The following NRBF2 variants were observed in gnomAD, a reference collection of about 807,000 sequenced individuals.
The protein encoded by NRBF2 is nuclear receptor binding factor 2, also known as nuclear receptor-binding factor 2.
A neutral mutation model predicts 28.5 loss-of-function variants in NRBF2; 12 were observed. The ratio of observed to expected loss-of-function variants is 0.42; its 90% CI spans 0.27 to 0.68. NRBF2 has a LOEUF of 0.68. Among genes scored for constraint, NRBF2 ranks in the 30% least tolerant of loss-of-function variants. NRBF2 has a pLI of 0.24. For synonymous variants in NRBF2, 102 were observed against 116.5 expected (o/e 0.88, Z 0.80); for missense variants, 274 against 333.5 (o/e 0.82, Z 1.39).
intron 1 of NRBF2, among the ~76,000 whole-genome samples, chr10:63,137,355 G>C (rs528862285): frequency 6.6e-6 from 1 of 152,302 alleles, no homozygotes; most frequent in Non-Finnish European, 1.5e-5. Flanking sequence ...CATTTTGTCA[G>C]TGTGACTACT....
At position 63,154,529 on chromosome 10, in the gene NRBF2, T is replaced by C. The variant is rs1288051417; in HGVS notation, c.*311T>C. 4.5e-6 allele frequency: 1 copy of C among 221,022 alleles called. No individual in the cohort carries two copies. Among genetic ancestry groups the C allele is most frequent in the Non-Finnish European group, 8.9e-6 (1 of 112,356 alleles). 13.7% of individuals were successfully genotyped at this position (221,022 alleles called of 1,614,324 possible). On this transcript the variant is annotated 3_prime_UTR_variant, in exon 4 of 4. Coordinates refer to ENST00000277746, the MANE Select transcript of NRBF2 (RefSeq NM_030759.5). ...TTTCAAGCAACAGTTATTTTTCTTA[T>C]CTTCAGGGTTAAAATGTATAAAAGT...
intron 1 of NRBF2, among the ~76,000 whole-genome samples, chr10:63,137,607 C>T (rs6479883): frequency 2.4e-3 from 363 of 152,294 alleles, no homozygotes; most frequent in African/African-American, 7.9e-3. Context: ...GGTCAGTTCT[C>T]ACATCACATG....
chr10:63,150,883 G>A (rs1300414135), intron 2 of NRBF2, among the ~76,000 whole-genome samples: 5 of 152,128 alleles, frequency 3.3e-5, no homozygotes, highest in African/African-American at 1.2e-4. Flanking sequence ...TGTGCAGTTT[G>A]CAGTAGGGTT....
chr10:63,143,601 C>T (rs1841509629), intron 1 of NRBF2, among the ~76,000 whole-genome samples: 1 of 151,954 alleles, frequency 6.6e-6, no homozygotes, highest in Non-Finnish European at 1.5e-5. Flanking sequence ...GCTGGGATTA[C>T]AGGCACCCAC....
At chr10:63,149,598 T>C (rs1011024446) in intron 2 of NRBF2, among the ~76,000 whole-genome samples, 1 of 152,244 alleles carries the variant, frequency 6.6e-6, no homozygotes, top group African/African-American at 2.4e-5. Context: ...AGATTTAAAA[T>C]AATTTTTTTC....
chr10:63,141,410 T>G (rs530901321), intron 1 of NRBF2, among the ~76,000 whole-genome samples: 2 of 152,352 alleles, frequency 1.3e-5, no homozygotes, highest in African/African-American at 4.8e-5. Context: ...CACTCCAGCC[T>G]GGGCAACAGA....
chr10:63,145,432 C>T (rs1453695655), intron 1 of NRBF2, among the ~76,000 whole-genome samples: 1 of 152,200 alleles, frequency 6.6e-6, no homozygotes, highest in Non-Finnish European at 1.5e-5. Context: ...TGGTCTTGAA[C>T]TCCTGACCTC....
At chr10:63,147,917 T>C (rs1841590212) in intron 2 of NRBF2, among the ~76,000 whole-genome samples, 1 of 152,226 alleles carries the variant, frequency 6.6e-6, no homozygotes, top group Admixed American at 6.5e-5. Flanking sequence ...CAACTAGTGC[T>C]CTTTAAATCT....
intron 1 of NRBF2, among the ~76,000 whole-genome samples, chr10:63,139,591 T>A (rs1841430867): frequency 1.3e-5 from 2 of 152,140 alleles, no homozygotes; most frequent in South Asian, 2.1e-4. Flanking sequence ...CAAAGAAAGG[T>A]GCAGGAAGGG....
At chr10:63,150,631 G>T (rs1564531679) in intron 2 of NRBF2, among the ~76,000 whole-genome samples, 1 of 152,130 alleles carries the variant, frequency 6.6e-6, no homozygotes, top group Non-Finnish European at 1.5e-5. Context: ...ATTTTCCATA[G>T]ACCTGGGGTC....
intron 1 of NRBF2, among the ~76,000 whole-genome samples, chr10:63,137,673 T>C (rs6479884): frequency 0.15 from 22,863 of 152,152 alleles, 3,990 homozygotes; most frequent in African/African-American, 0.43. Context: ...TAGTCAGATA[T>C]CATGGTCCAA....
intron 1 of NRBF2, among the ~76,000 whole-genome samples, chr10:63,139,963 C>T (rs888666623): frequency 2.6e-5 from 4 of 151,646 alleles, no homozygotes; most frequent in Non-Finnish European, 5.9e-5. Flanking sequence ...TAGTGAAAAC[C>T]GGTCTCTACC....
intron 1 of NRBF2, among the ~76,000 whole-genome samples, chr10:63,133,965 C>T (rs1841333271): frequency 6.8e-6 from 1 of 147,722 alleles, no homozygotes; most frequent in African/African-American, 2.5e-5. Flanking sequence ...TCCACTTCCC[C>T]CTCCTCACCC....
chr10:63,146,908 C>CT (rs1841570188), intron 2 of NRBF2, among the ~76,000 whole-genome samples: 1 of 152,100 alleles, frequency 6.6e-6, no homozygotes, highest in African/African-American at 2.4e-5. Flanking sequence ...GTCAAGCAAC[C>CT]TAGCATATGT....
rs16913006 is a variant in NRBF2 at position 63,136,556 on chromosome 10, G to A, written c.30+3056G>A. Among the ~76,000 whole-genome samples, 1,181 of 152,268 alleles carry A rather than the reference G, an allele frequency of 7.8e-3. 22 individuals carry two copies. Among genetic ancestry groups the A allele is most frequent in the African/African-American group, 0.027 (1,118 of 41,552 alleles). On this transcript the variant is annotated intron_variant, in intron 1 of 3. Transcript: ENST00000277746. ...AATCATGTGTCCTCAGAGCATCCTC[G>A]GAACTTAGTAAGGTGTGTTTTCCAG...
rs147373109 is a variant in NRBF2 at position 63,142,426 on chromosome 10, C to T, written c.31-3783C>T. ...CCAAGCAATTCTCCTGCCTCGTCTT[C>T]TCAAAGTGCTGGGCTTACAGGTGTG... On this transcript the variant is annotated intron_variant, in intron 1 of 3. Coordinates refer to ENST00000277746, the MANE Select transcript of NRBF2 (RefSeq NM_030759.5). Among the ~76,000 whole-genome samples the T allele has an allele frequency of 3.1e-3, 472 of 151,290 alleles. 3 individuals are homozygous for T. The highest frequency in any genetic ancestry group is 0.011 in the African/African-American group (459 of 41,404).
In NRBF2 at chr10:63,145,872, A is replaced by C. The variant is rs182356626; in HGVS notation, c.31-337A>C. On this transcript the variant is annotated intron_variant, in intron 1 of 3. Coordinates refer to ENST00000277746, the MANE Select transcript of NRBF2 (RefSeq NM_030759.5). ...CTTGTTTTGAAAGGAGCTTGTTAAAAATCAAGAAAATAGACATTTTGAATA... is the reference window on the plus strand; with the variant it reads ...CTTGTTTTGAAAGGAGCTTGTTAAACATCAAGAAAATAGACATTTTGAATA... 3.3e-3 allele frequency among the ~76,000 whole-genome samples: 497 copies of C among 152,342 alleles called. 7 individuals are homozygous for C. The highest frequency in any genetic ancestry group is 0.012 in the African/African-American group (485 of 41,578).
Position 63,146,255 on chromosome 10 carries a change from A to G in NRBF2, c.77A>G (p.Lys26Arg), listed in dbSNP as rs752756880. The G allele has an allele frequency of 1.2e-6, 2 of 1,612,800 alleles. No individual in the cohort carries two copies. Among genetic ancestry groups the G allele is most frequent in the Non-Finnish European group, 1.7e-6 (2 of 1,179,824 alleles). The change falls in exon 2 of 4, where the codon AAA becomes AGA. Residue 26 changes from lysine (K) to arginine (R), a missense_variant. By Grantham distance (26) the Lys-to-Arg change is conservative. Coordinates refer to ENST00000277746, the MANE Select transcript of NRBF2 (RefSeq NM_030759.5). The stretch of plus-strand genomic sequence containing the variant: ...GCAGACCGTTTATTAGCTGCAGGCA[A>G]ATACGAAGAGGCTATTTCTTGTCAC... ...RRADRLLAAG[K>R]YEEAISCHKK...
chr10:63,147,548 A>G (rs1467513986), intron 2 of NRBF2, among the ~76,000 whole-genome samples: 3 of 150,006 alleles, frequency 2.0e-5, no homozygotes, highest in African/African-American at 4.9e-5. Context: ...TCCTGACCCC[A>G]TGATTGACCC....
Sources: allele counts gnomAD v4.1 joint callset (sites outside exome capture counted in the v4.1 genomes callset), GRCh38; gene constraint gnomAD v4.1.1; transcripts MANE v1.5; gene names NCBI Gene and HGNC (gene_info 2026-07-23, HGNC 2026-07-21).